The following CERS5 variants were observed in gnomAD, a reference collection of about 807,000 sequenced individuals.
The protein encoded by CERS5 is ceramide synthase 5, also known as LAG1 homolog, ceramide synthase 5.
CERS5 carries 37 observed loss-of-function variants against 58.9 expected under a neutral mutation model. The observed-to-expected ratio is 0.63, with a 90% CI of 0.48 to 0.83. CERS5 has a LOEUF of 0.83. Among genes scored for constraint, CERS5 ranks in the 40% least tolerant of loss-of-function variants. The pLI is 0.00. For missense variants in CERS5, 398 were observed against 489.3 expected (o/e 0.81, Z 1.76); for synonymous variants, 147 against 177.8 (o/e 0.83, Z 1.38).
chr12:50,153,530 G>C (rs11169289), intron 1 of CERS5, among the ~76,000 whole-genome samples: 4 of 151,336 alleles, frequency 2.6e-5, no homozygotes, highest in South Asian at 2.1e-4. Context: ...CGCCCACCTC[G>C]GCCTCCCAAA....
intron 1 of CERS5, among the ~76,000 whole-genome samples, chr12:50,164,158 C>T (rs898646395): frequency 6.6e-6 from 1 of 151,626 alleles, no homozygotes; most frequent in South Asian, 2.1e-4. Context: ...TGGGGTTTCA[C>T]CATGTTGGCC....
chr12:50,132,404 A>AAAAT (rs1397253492), intron 9 of CERS5, among the ~76,000 whole-genome samples: 4 of 143,216 alleles, frequency 2.8e-5, no homozygotes, highest in African/African-American at 1.1e-4. Context: ...CTCTGTCTCA[A>AAAAT]AAATAAATAA....
At chr12:50,132,708 A>AGAGTGT (rs549055889) in intron 9 of CERS5, among the ~76,000 whole-genome samples, 44,235 of 151,950 alleles carry the variant, frequency 0.29, 7,275 homozygotes, top group East Asian at 0.75. Context: ...GGAAATTTCC[A>AGAGTGT]CTAGAGGGCA....
At chr12:50,166,392 C>G (rs1053028571) in intron 1 of CERS5, 2 of 159,632 alleles carry the variant, frequency 1.3e-5, no homozygotes, top group African/African-American at 4.8e-5. Context: ...TGATAAAGCC[C>G]TGTGGCTCTC....
rs1354213662 is a variant in CERS5, at chr12:50,130,539, A to G, written c.*6T>C. The G allele has an allele frequency of 2.5e-6, 4 of 1,588,976 alleles. No homozygotes were observed. The highest frequency in any genetic ancestry group is 3.4e-5 in the Admixed American group (2 of 59,284). On this transcript the variant is annotated 3_prime_UTR_variant, in exon 10 of 10. Coordinates refer to ENST00000317551, the MANE Select transcript of CERS5 (RefSeq NM_147190.5). ...CATGTGTGCTGAAGTCCCTATAGCA[A>G]CCACCTTACTCTTCAGCCCAGTAGC...
Position 50,143,121 on chromosome 12 carries a change from C to T in CERS5, c.387G>A (p.Arg129=), listed in dbSNP as rs771457420. ...VRKIQCWFRH[R]RNQDKPPTLT... ...GCGTTGGGGGCTTGTCCTGATTCCT[C>T]CGATGGCGAAACCAGCATTGGATTT... The change falls in exon 3 of 10, where the codon CGG becomes CGA. Residue 129 remains arginine (R), a synonymous_variant. Coordinates refer to ENST00000317551, the MANE Select transcript of CERS5 (RefSeq NM_147190.5). The T allele has an allele frequency of 1.2e-6, 2 of 1,613,838 alleles. No individual in the cohort carries two copies. Among genetic ancestry groups the T allele is most frequent in the African/African-American group, 2.7e-5 (2 of 74,910 alleles).
intron 9 of CERS5, chr12:50,133,596 T>A: frequency 1.0e-6 from 1 of 985,350 alleles, no homozygotes; most frequent in Non-Finnish European, 1.2e-6. Context: ...TGATTTCCTT[T>A]GAAAAGGGCC....
At chr12:50,142,922 T>C in intron 3 of CERS5, 152 bp downstream of exon 3, 1 of 806,612 alleles carries the variant, frequency 1.2e-6, no homozygotes, top group Middle Eastern at 4.0e-4. Flanking sequence ...AGTGTTCCAG[T>C]TCCCTTCTTT....
chr12:50,129,692 A>G lies in CERS5; in HGVS notation c.*853T>C, dbSNP rs1248748596. On this transcript the variant is annotated 3_prime_UTR_variant, in exon 10 of 10. Transcript: ENST00000317551. Reference sequence around the variant, plus strand: ...TTCCTACCATGCACAGAAAGGAAAAATTTGGTGTCCAGGGCCTTCTGAATC... The same window carrying G: ...TTCCTACCATGCACAGAAAGGAAAAGTTTGGTGTCCAGGGCCTTCTGAATC... 1 of 152,076 alleles carries G rather than the reference A, an allele frequency of 6.6e-6. No homozygotes were observed. The highest frequency in any genetic ancestry group is 2.4e-5 in the African/African-American group (1 of 41,394). 9.4% of individuals were successfully genotyped at this position (152,076 alleles called of 1,614,324 possible).
At chr12:50,148,822 T>C (rs953310726) in intron 1 of CERS5, among the ~76,000 whole-genome samples, 21 of 149,902 alleles carry the variant, frequency 1.4e-4, no homozygotes, top group African/African-American at 3.9e-4. Flanking sequence ...GGAGAATTGC[T>C]TGAACCCGGG....
At chr12:50,150,281 A>G (rs936692688) in intron 1 of CERS5, among the ~76,000 whole-genome samples, 2 of 152,182 alleles carry the variant, frequency 1.3e-5, no homozygotes, top group Non-Finnish European at 2.9e-5. Context: ...GGACTGCTTG[A>G]GCCCAGGAGG....
chr12:50,130,827 G>A (rs1951278212), intron 9 of CERS5, 133 bp from the exon 10 acceptor site: 1 of 700,040 alleles, frequency 1.4e-6, no homozygotes, highest in Admixed American at 3.0e-5. Flanking sequence ...AAGAAGTATT[G>A]TCTGGACTAT....
At chr12:50,144,827 G>A (rs1390919982) in intron 1 of CERS5, 1 of 1,510,882 alleles carries the variant, frequency 6.6e-7, no homozygotes, top group Non-Finnish European at 8.8e-7. Flanking sequence ...GAGTCCCAAG[G>A]ATTTAAATTT....
At chr12:50,145,490 A>G (rs538799928) in intron 1 of CERS5, among the ~76,000 whole-genome samples, 79 of 152,278 alleles carry the variant, frequency 5.2e-4, no homozygotes, top group Non-Finnish European at 1.0e-3. Context: ...TATTTTCTTG[A>G]GCTGCATTTG....
At chr12:50,156,590 A>G (rs1351901601) in intron 1 of CERS5, among the ~76,000 whole-genome samples, 4 of 151,444 alleles carry the variant, frequency 2.6e-5, no homozygotes, top group African/African-American at 9.7e-5. Flanking sequence ...GTGAAGCTTA[A>G]TACATACTTA....
In CERS5 at chr12:50,167,162, G is replaced by C; in HGVS notation, c.136C>G (p.His46Asp). The change falls in exon 1 of 10, where the codon CAC becomes GAC. Residue 46 changes from histidine to aspartate, a missense_variant. His to Asp is a moderately conservative substitution (Grantham distance 81). Around this residue, in one of 3 missense-constraint regions of CERS5, gnomAD observed 328 missense variants for 384.5 expected, o/e 0.85. Transcript: ENST00000317551. The stretch of plus-strand genomic sequence containing the variant: ...GCCAGCGGGAACACCGAGAGGATGT[G>C]CCGGCCGCGGGGGTAACCGTAGCCG... ...ADGYGYPRGR[H>D]ILSVFPLAAG... is the part of the protein sequence containing the mutation. 1 of 1,597,818 alleles carries C rather than the reference G, an allele frequency of 6.3e-7. No homozygotes were observed. Among genetic ancestry groups the C allele is most frequent in the East Asian group, 2.3e-5 (1 of 43,710 alleles).
chr12:50,157,070 TG>T (rs1186048469), intron 1 of CERS5, among the ~76,000 whole-genome samples: 1 of 152,152 alleles, frequency 6.6e-6, no homozygotes, highest in Non-Finnish European at 1.5e-5. Context: ...GCTGCCAGCA[TG>T]GCAAGAGGCA....
chr12:50,133,853 C>T (rs533104879), intron 9 of CERS5: 7 of 714,194 alleles, frequency 9.8e-6, no homozygotes, highest in Non-Finnish European at 1.2e-5. Flanking sequence ...GTGGGCAGAT[C>T]ACAAGGTCGG....
rs191636779 is a variant in CERS5 at position 50,132,245 on chromosome 12, C to G, written c.1030-1551G>C. ...AGAAACCCCGTCTCTACTAAAAATA[C>G]AAAAAAATTAGCCAGGCGTGGTGGC... On this transcript the variant is annotated intron_variant, in intron 9 of 9. Coordinates refer to ENST00000317551, the MANE Select transcript of CERS5 (RefSeq NM_147190.5). Among the ~76,000 whole-genome samples the G allele has an allele frequency of 1.1e-3, 160 of 151,450 alleles. 1 individual carries two copies. Among genetic ancestry groups the G allele is most frequent in the African/African-American group, 3.7e-3 (153 of 41,266 alleles).
Sources: gnomAD v4.1 joint callset for allele counts (sites outside exome capture counted in the v4.1 genomes callset) on GRCh38, gnomAD v4.1.1 for gene constraint, gnomAD v4.1.1 regional missense constraint, MANE v1.5 for transcripts, NCBI Gene and HGNC (gene_info 2026-07-23, HGNC 2026-07-21) for gene names.